Variants in NLGN2 observed in about 807,000 individuals in gnomAD.
NLGN2 encodes neuroligin-2.
Under a neutral mutation model 48.6 loss-of-function variants are expected in NLGN2, and 11 were observed. The ratio of observed to expected loss-of-function variants is 0.23; its 90% CI spans 0.14 to 0.37. The LOEUF is 0.37. Ranked by LOEUF, NLGN2 falls within the 10% of genes least tolerant of loss-of-function variation. The pLI, the probability that NLGN2 is intolerant of heterozygous loss-of-function variation, is 1.00. For missense variants in NLGN2, 801 were observed against 1,225.2 expected, an observed-to-expected ratio of 0.65 and a Z score of 5.17; for synonymous variants, 548 against 550.0, an observed-to-expected ratio of 1.00 and a Z score of 0.05.
At chr17:7,407,217 C>A (rs550452626), upstream of NLGN2, among the ~76,000 whole-genome samples, 1 of 152,176 alleles carries the variant, frequency 6.6e-6, no homozygotes, top group Non-Finnish European at 1.5e-5. Context: ...AAAGCTGCAG[C>A]CCGTTGCCGA....
chr17:7,414,279 C>CT lies in NLGN2; in HGVS notation c.509-63dup, dbSNP rs1372316195. On this transcript the variant is annotated intron_variant, in intron 2 of 6. Coordinates refer to ENST00000302926, the MANE Select transcript of NLGN2 (RefSeq NM_020795.4). ...CAGGCCTGGGAGCTGGGCGCTGCTGCTTCCGGTCTGACTGTGTCCTTGTCC... is the reference window on the plus strand; with the variant it reads ...CAGGCCTGGGAGCTGGGCGCTGCTGCTTTCCGGTCTGACTGTGTCCTTGTCC... 17 of 1,510,818 alleles carry CT rather than the reference C, an allele frequency of 1.1e-5. No homozygotes were observed. In the Middle Eastern group the frequency reaches 1.1e-3, roughly 99 times the overall value. 93.6% of individuals were successfully genotyped at this position (1,510,818 alleles called of 1,614,324 possible).
intron 6 of NLGN2, 89 bp downstream of exon 6, chr17:7,416,196 C>A: frequency 9.1e-7 from 1 of 1,103,154 alleles, no homozygotes; most frequent in Non-Finnish European, 1.4e-6. Context: ...TCACTCTGGC[C>A]TGCCCTCTTG....
In NLGN2 at chr17:7,408,075, A is replaced by G; in HGVS notation, c.-181A>G. 1.3e-5 allele frequency: 4 copies of G among 299,462 alleles called. No homozygotes were observed. The highest frequency in any genetic ancestry group is 1.1e-4 in the South Asian group (1 of 9,436). 18.6% of individuals were successfully genotyped at this position (299,462 alleles called of 1,614,324 possible). Reference sequence around the variant, plus strand: ...TCCCCACCCCGTGCCCCCTCCATGGAGAGGAACAGACCCCTTCTCTGTCCA... The same window carrying G: ...TCCCCACCCCGTGCCCCCTCCATGGGGAGGAACAGACCCCTTCTCTGTCCA... On this transcript the variant is annotated 5_prime_UTR_variant, in exon 1 of 7. Coordinates refer to ENST00000302926, the MANE Select transcript of NLGN2 (RefSeq NM_020795.4). The surrounding 1 kb of genome is among the most constrained non-coding windows in gnomAD (Gnocchi z 7.5).
chr17:7,404,684 C>G (rs1906534930), upstream of NLGN2, among the ~76,000 whole-genome samples: 1 of 152,168 alleles, frequency 6.6e-6, no homozygotes, highest in African/African-American at 2.4e-5. Flanking sequence ...GTGGGAGATC[C>G]GGGGGAATGT....
At position 7,415,726 on chromosome 17, in the gene NLGN2, A is replaced by G. The variant is rs376668595; in HGVS notation, c.1253A>G (p.Tyr418Cys). Residue 418 changes from tyrosine to cysteine, a missense_variant, in exon 6 of 7, where the codon TAT becomes TGT. Tyr to Cys is a radical substitution (Grantham distance 194). Around this residue, in one of 5 missense-constraint regions of NLGN2, gnomAD observed 303 missense variants for 600.1 expected, o/e 0.50. Coordinates refer to ENST00000302926, the MANE Select transcript of NLGN2 (RefSeq NM_020795.4). ...FTVSNFVDNLYGYPEGKDVLR... is the reference protein window; with the variant it reads ...FTVSNFVDNLCGYPEGKDVLR... ...GTCTCCAACTTTGTGGACAACCTGT[A>G]TGGCTACCCGGAAGGCAAGGATGTG... 1 of 1,614,252 alleles carries G rather than the reference A, an allele frequency of 6.2e-7. No homozygotes were observed. The highest frequency in any genetic ancestry group is 8.5e-7 in the Non-Finnish European group (1 of 1,180,036).
At chr17:7,407,683 G>A (rs1219813988), upstream of NLGN2, among the ~76,000 whole-genome samples, 2 of 152,112 alleles carry the variant, frequency 1.3e-5, no homozygotes, top group African/African-American at 2.4e-5. Flanking sequence ...CAGCTGGAAG[G>A]GAGCATGCTG....
In NLGN2 at chr17:7,418,478, G is replaced by A. The variant is rs1462091303; in HGVS notation, c.*679G>A. On this transcript the variant is annotated 3_prime_UTR_variant, in exon 7 of 7. Coordinates refer to ENST00000302926, the MANE Select transcript of NLGN2 (RefSeq NM_020795.4). ...GAGGACAGACACAGATTTCCTGCTGGGGGAGGGAGGAGTCCACGCATCCTG... is the reference window on the plus strand; with the variant it reads ...GAGGACAGACACAGATTTCCTGCTGAGGGAGGGAGGAGTCCACGCATCCTG... 1.3e-5 allele frequency: 2 copies of A among 152,250 alleles called. No homozygotes were observed. Among genetic ancestry groups the A allele is most frequent in the African/African-American group, 4.8e-5 (2 of 41,448 alleles). 9.4% of individuals were successfully genotyped at this position (152,250 alleles called of 1,614,324 possible). A position where few individuals can be genotyped will look rare whatever the true frequency, so the allele number is the denominator to read the frequency against.
rs1907254281 is a variant in NLGN2, at chr17:7,418,743, TC to T, written c.*947del. ...ACCCCGAGGGAGGCCCGGCCCTTGC[TC>T]CCGAGTTGGGGGGAGGGGGTGTGGC... is the stretch of plus-strand genomic sequence containing the variant. On this transcript the variant is annotated 3_prime_UTR_variant, in exon 7 of 7. Coordinates refer to ENST00000302926, the MANE Select transcript of NLGN2 (RefSeq NM_020795.4). 1.3e-5 allele frequency: 2 copies of T among 152,360 alleles called. No individual in the cohort carries two copies. The highest frequency in any genetic ancestry group is 2.9e-5 in the Non-Finnish European group (2 of 68,148). 9.4% of individuals were successfully genotyped at this position (152,360 alleles called of 1,614,324 possible).
chr17:7,412,285 C>T (rs887407583), intron 2 of NLGN2, 78 bp downstream of exon 2: 7 of 1,077,806 alleles, frequency 6.5e-6, no homozygotes, highest in South Asian at 1.2e-5. Context: ...CTAAATGTCC[C>T]CACAGCCCTC....
intron 6 of NLGN2, 143 bp from the exon 7 acceptor site, chr17:7,416,783 C>G: frequency 9.9e-7 from 1 of 1,006,932 alleles, no homozygotes. Context: ...ATCTGTGTCT[C>G]TCTGCCTCTG....
At chr17:7,416,787 G>A in intron 6 of NLGN2, 139 bp from the exon 7 acceptor site, 1 of 1,037,306 alleles carries the variant, frequency 9.6e-7, no homozygotes, top group Non-Finnish European at 1.5e-6. Flanking sequence ...GTGTCTCTCT[G>A]CCTCTGTGAC....
At position 7,410,830 on chromosome 17, in the gene NLGN2, A is replaced by T. The variant is rs187952773; in HGVS notation, c.458-1327A>T. The stretch of plus-strand genomic sequence containing the variant: ...TTGACTCAGGCGCGCGCGCGCACAC[A>T]CACACGCGCTTCATAGACTCACGTG... On this transcript the variant is annotated intron_variant, in intron 1 of 6. Transcript: ENST00000302926. Among the ~76,000 whole-genome samples, 285 of 152,260 alleles carry T rather than the reference A, an allele frequency of 1.9e-3. 1 individual carries two copies. The highest frequency in any genetic ancestry group is 2.8e-3 in the Non-Finnish European group (189 of 68,032).
In NLGN2 at chr17:7,408,336, C is replaced by T; in HGVS notation, c.81C>T (p.Gly27=). 2 of 1,429,464 alleles carry T rather than the reference C, an allele frequency of 1.4e-6. No homozygotes were observed. The highest frequency in any genetic ancestry group is 1.8e-6 in the Non-Finnish European group (2 of 1,098,124). The allele number at this position is 1,429,464 out of a possible 1,614,324, so 88.5% of individuals were successfully genotyped here. Residue 27 remains glycine (G), a synonymous_variant, in exon 1 of 7, where the codon GGC becomes GGT. Transcript: ENST00000302926. This position sits in a 1 kb window ranked among gnomAD's most constrained non-coding sequence, Gnocchi z 7.5. The stretch of plus-strand genomic sequence containing the variant: ...GGGGTCCCGGCGGCGGCGCCCCGGG[C>T]GGCCCCGGCCTGGGCCTCGGCAGCC... ...GGGGPGGGAP[G]GPGLGLGSLG...
chr17:7,417,582 C>T lies in NLGN2; in HGVS notation c.2291C>T (p.Ala764Val). 1 of 1,432,122 alleles carries T rather than the reference C, an allele frequency of 7.0e-7. No homozygotes were observed. Among genetic ancestry groups the T allele is most frequent in the South Asian group, 1.5e-5 (1 of 65,700 alleles). 88.7% of individuals were successfully genotyped at this position (1,432,122 alleles called of 1,614,324 possible). A position where few individuals can be genotyped will look rare whatever the true frequency, so the allele number is the denominator to read the frequency against. The stretch of plus-strand genomic sequence containing the variant: ...GACCCTGCCGAGGCTCTGCGCCCTG[C>T]CTGCCCGCCCGACTACACCCTGGCC... ...GADPAEALRPACPPDYTLALR... is the reference protein window; with the variant it reads ...GADPAEALRPVCPPDYTLALR... Residue 764 changes from alanine (A) to valine (V), a missense_variant, in exon 7 of 7, where the codon GCC (alanine) becomes GTC (valine). Physicochemically the swap from Ala to Val is moderately conservative, Grantham distance 64 (BLOSUM62 0). Coordinates refer to ENST00000302926, the MANE Select transcript of NLGN2 (RefSeq NM_020795.4).
At chr17:7,416,189 C>A in intron 6 of NLGN2, 82 bp downstream of exon 6, 1 of 1,143,904 alleles carries the variant, frequency 8.7e-7, no homozygotes, top group South Asian at 1.3e-5. Context: ...AAGGCACTCA[C>A]TCTGGCCTGC....
Position 7,413,901 on chromosome 17 carries a change from G to A in NLGN2, c.509-443G>A, listed in dbSNP as rs1310094497. On this transcript the variant is annotated intron_variant, in intron 2 of 6. Transcript: ENST00000302926. The surrounding 1 kb of genome is among the most constrained non-coding windows in gnomAD (Gnocchi z 4.9). ...CACCCACCGACCAGGGTGCCATGTGGAGTGGAGGCCCAAGGCCTGAGTCGG... is the reference window on the plus strand; with the variant it reads ...CACCCACCGACCAGGGTGCCATGTGAAGTGGAGGCCCAAGGCCTGAGTCGG... 6.6e-6 allele frequency among the ~76,000 whole-genome samples: 1 copy of A among 152,042 alleles called. No homozygotes were observed. The highest frequency in any genetic ancestry group is 1.5e-5 in the Non-Finnish European group (1 of 67,980).
In NLGN2 at chr17:7,416,063, C is replaced by G. The variant is rs968653913; in HGVS notation, c.1590C>G (p.Leu530=). The G allele has an allele frequency of 2.1e-5, 34 of 1,613,070 alleles. No individual in the cohort carries two copies. The highest frequency in any genetic ancestry group is 2.9e-5 in the Non-Finnish European group (34 of 1,179,590). The part of the protein sequence containing the change: ...PCNFSKNDVM[L]SAVVMTYWTN... ...ACTTCTCCAAGAATGACGTCATGCT[C>G]AGTGCCGTGGTCATGACCTACTGGA... Residue 530 remains leucine (L), a synonymous_variant, in exon 6 of 7, where the codon CTC becomes CTG. Transcript: ENST00000302926.
At position 7,408,582 on chromosome 17, in the gene NLGN2, C is replaced by A; in HGVS notation, c.327C>A (p.Asn109Lys). 6.4e-7 allele frequency: 1 copy of A among 1,567,252 alleles called. No homozygotes were observed. The highest frequency in any genetic ancestry group is 8.6e-7 in the Non-Finnish European group (1 of 1,158,316). ...ATTLPPACPQ[N>K]LHGALPAIML... ...CCCTGCCGCCCGCCTGCCCGCAGAA[C>A]CTGCACGGGGCGCTGCCCGCCATCA... The change falls in exon 1 of 7, where the codon AAC (asparagine) becomes AAA (lysine). Residue 109 changes from asparagine (N) to lysine (K), a missense_variant. Physicochemically the swap from Asn to Lys is moderately conservative, Grantham distance 94. This residue lies in a region of NLGN2 where 164 missense variants were observed against 186.2 expected (regional missense o/e 0.88). Coordinates refer to ENST00000302926, the MANE Select transcript of NLGN2 (RefSeq NM_020795.4). This position sits in a 1 kb window ranked among gnomAD's most constrained non-coding sequence, Gnocchi z 7.5.
Position 7,408,510 on chromosome 17 carries a change from G to A in NLGN2, c.255G>A (p.Gln85=). Residue 85 remains glutamine (Q), a synonymous_variant, in exon 1 of 7, where the codon CAG becomes CAA. Transcript: ENST00000302926. The surrounding 1 kb of genome is among the most constrained non-coding windows in gnomAD (Gnocchi z 7.5). The part of the protein sequence containing the change: ...ATPPLGARRF[Q]PPEAPASWPG... ...CGCCCCTGGGCGCCCGCCGCTTCCA[G>A]CCGCCTGAGGCGCCCGCCTCGTGGC... 6.6e-7 allele frequency: 1 copy of A among 1,512,872 alleles called. No individual in the cohort carries two copies. The highest frequency in any genetic ancestry group is 2.7e-5 in the East Asian group (1 of 36,916). 93.7% of individuals were successfully genotyped at this position (1,512,872 alleles called of 1,614,324 possible).
Sources: allele counts gnomAD v4.1 joint callset (sites outside exome capture counted in the v4.1 genomes callset), GRCh38; gene constraint gnomAD v4.1.1; regional missense constraint gnomAD v4.1.1; non-coding constraint Gnocchi (gnomAD v3.1); transcripts MANE v1.5; gene names NCBI Gene and HGNC (gene_info 2026-07-23, HGNC 2026-07-21).